The following TBC1D31 variants were observed in gnomAD, a reference collection of about 807,000 sequenced individuals.
TBC1D31 encodes WD repeat domain 67.
Under a neutral mutation model 132.9 loss-of-function variants are expected in TBC1D31, and 99 were observed. That is an observed-to-expected ratio of 0.74 (90% CI 0.63 to 0.88). The LOEUF (loss-of-function observed/expected upper bound fraction) is 0.88, where lower values mean the gene tolerates loss of function less well. Among genes scored for constraint, TBC1D31 ranks in the 40% least tolerant of loss-of-function variants. The pLI is 0.00. For missense variants in TBC1D31, 1,134 were observed against 1,256.6 expected (o/e 0.90, Z 1.48); for synonymous variants, 385 against 419.4 (o/e 0.92, Z 1.00).
intron 10 of TBC1D31, among the ~76,000 whole-genome samples, chr8:123,117,752 CAAAAAAA>C (rs71310657): frequency 0.56 from 49,479 of 88,620 alleles, 11,070 homozygotes; most frequent in Admixed American, 0.64. Context: ...AACTCCGTCT[CAAAAAAA>C]AAAAAAAAAA....
chr8:123,084,978 C>T (rs1815573801), intron 4 of TBC1D31, among the ~76,000 whole-genome samples: 1 of 151,458 alleles, frequency 6.6e-6, no homozygotes, highest in Non-Finnish European at 1.5e-5. Context: ...TTAGTAGAGA[C>T]AGGGTTTCAT....
intron 10 of TBC1D31, among the ~76,000 whole-genome samples, chr8:123,111,436 T>C (rs1051179768): frequency 3.9e-5 from 6 of 152,286 alleles, no homozygotes; most frequent in East Asian, 3.9e-4. Context: ...AGTAAACTTA[T>C]TACCTTGGAG....
At chr8:123,139,077 G>T (rs1821366665) in intron 17 of TBC1D31, among the ~76,000 whole-genome samples, 1 of 151,048 alleles carries the variant, frequency 6.6e-6, no homozygotes, top group Non-Finnish European at 1.5e-5. Context: ...CAAAGTGCTG[G>T]GATTATACGT....
intron 2 of TBC1D31, 144 bp downstream of exon 2, chr8:123,077,401 G>A (rs1814640389): frequency 2.7e-6 from 2 of 727,428 alleles, no homozygotes; most frequent in Non-Finnish European, 4.1e-6. Flanking sequence ...TGTCATAAGT[G>A]CTAAAGGACG....
chr8:123,076,338 A>ATGTGTGTGTGTG lies in TBC1D31; in HGVS notation c.78-755_78-744dup, dbSNP rs71310650. On this transcript the variant is annotated intron_variant, in intron 1 of 21. Coordinates refer to ENST00000287380, the MANE Select transcript of TBC1D31 (RefSeq NM_145647.4). ...TTTATTTTTTCTTTTAATTGTGTGT[A>ATGTGTGTGTGTG]TGTGTGTGTGTGTGTGTGTGTGTGT... Among the ~76,000 whole-genome samples, 223 of 149,446 alleles carry ATGTGTGTGTGTG rather than the reference A, an allele frequency of 1.5e-3. 2 individuals carry two copies. The highest frequency in any genetic ancestry group is 5.4e-3 in the African/African-American group (221 of 40,650).
intron 12 of TBC1D31, 31 bp downstream of exon 12, chr8:123,126,220 G>A (rs1176166522): frequency 6.3e-7 from 1 of 1,584,122 alleles, no homozygotes; most frequent in East Asian, 2.3e-5. Context: ...AGAATAACAT[G>A]CCTTATTTTG....
intron 8 of TBC1D31, among the ~76,000 whole-genome samples, chr8:123,106,967 G>T (rs779955271): frequency 1.3e-5 from 2 of 152,178 alleles, no homozygotes; most frequent in African/African-American, 2.4e-5. Flanking sequence ...CAATGAATAT[G>T]TGTGGCAATA....
intron 2 of TBC1D31, among the ~76,000 whole-genome samples, chr8:123,080,385 G>T (rs7842192): frequency 6.6e-6 from 1 of 151,926 alleles, no homozygotes; most frequent in Non-Finnish European, 1.5e-5. Context: ...TATTTTCAGG[G>T]TGATAAAGAT....
chr8:123,107,565 A>G (rs975389242), intron 8 of TBC1D31, among the ~76,000 whole-genome samples: 6 of 152,244 alleles, frequency 3.9e-5, no homozygotes, highest in Non-Finnish European at 5.9e-5. Context: ...GAATGCTTTA[A>G]TGCAAAGATA....
intron 4 of TBC1D31, among the ~76,000 whole-genome samples, chr8:123,089,941 T>C (rs1261281037): frequency 6.6e-6 from 1 of 152,246 alleles, no homozygotes; most frequent in Non-Finnish European, 1.5e-5. Flanking sequence ...ATATACATCA[T>C]ACTACCTATC....
chr8:123,140,188 T>C (rs1273558206), intron 17 of TBC1D31, among the ~76,000 whole-genome samples: 1 of 152,096 alleles, frequency 6.6e-6, no homozygotes, highest in East Asian at 1.9e-4. Flanking sequence ...GGTGAAACCC[T>C]GTCTCTACTA....
intron 1 of TBC1D31, among the ~76,000 whole-genome samples, chr8:123,076,244 G>T (rs1449649134): frequency 1.3e-5 from 2 of 152,042 alleles, no homozygotes; most frequent in Non-Finnish European, 2.9e-5. Context: ...GGGATCACAG[G>T]CACATGCACC....
chr8:123,147,175 T>C (rs1483533773), intron 20 of TBC1D31, among the ~76,000 whole-genome samples: 1 of 151,942 alleles, frequency 6.6e-6, no homozygotes, highest in East Asian at 1.9e-4. Flanking sequence ...TTTTTTTTTT[T>C]GGTTGTTTGC....
intron 3 of TBC1D31, chr8:123,083,846 CAT>C (rs1394064692): frequency 1.8e-5 from 4 of 216,790 alleles, no homozygotes; most frequent in Non-Finnish European, 9.0e-6. Flanking sequence ...CTTTCTAAAA[CAT>C]AGACTAGATA....
At chr8:123,076,898 G>T (rs1814581158) in intron 1 of TBC1D31, among the ~76,000 whole-genome samples, 2 of 152,140 alleles carry the variant, frequency 1.3e-5, no homozygotes. Flanking sequence ...TCAAGTATTT[G>T]ATGAATGAAT....
the TBC1D31 span, among the ~76,000 whole-genome samples, chr8:123,161,089 C>A: frequency 6.6e-6 from 1 of 152,112 alleles, no homozygotes; most frequent in Non-Finnish European, 1.5e-5. Context: ...CCAGGCCTGG[C>A]CCGTAGAGAG....
chr8:123,111,010 T>G (rs998733627), intron 10 of TBC1D31, among the ~76,000 whole-genome samples: 1 of 152,162 alleles, frequency 6.6e-6, no homozygotes, highest in African/African-American at 2.4e-5. Flanking sequence ...TTTTATTTCA[T>G]AGTATTGTTT....
At chr8:123,090,230 C>T (rs749092396) in intron 4 of TBC1D31, among the ~76,000 whole-genome samples, 3 of 152,136 alleles carry the variant, frequency 2.0e-5, no homozygotes, top group Non-Finnish European at 4.4e-5. Flanking sequence ...AACCGAAGTT[C>T]AGAAATATTA....
At chr8:123,124,031 A>G (rs1236807797) in intron 11 of TBC1D31, among the ~76,000 whole-genome samples, 4 of 152,124 alleles carry the variant, frequency 2.6e-5, no homozygotes, top group Admixed American at 2.6e-4. Flanking sequence ...CTTATACAAA[A>G]TAAATGTTTT....
Sources: gnomAD v4.1 joint callset for allele counts (sites outside exome capture counted in the v4.1 genomes callset) on GRCh38, gnomAD v4.1.1 for gene constraint, MANE v1.5 for transcripts, NCBI Gene and HGNC (gene_info 2026-07-23, HGNC 2026-07-21) for gene names.